Variants in ECE1 observed in about 807,000 individuals in gnomAD.
ECE1 encodes endothelin converting enzyme 1, also known as endothelin-converting enzyme 1.
In ECE1, 35 loss-of-function variants were observed where a neutral mutation model predicts 98.6. The ratio of observed to expected loss-of-function variants is 0.35; its 90% CI spans 0.27 to 0.47. The LOEUF (loss-of-function observed/expected upper bound fraction) is 0.47. Among genes scored for constraint, ECE1 ranks in the 20% least tolerant of loss-of-function variants. The pLI is 1.00. For synonymous variants in ECE1, 394 were observed against 407.1 expected (o/e 0.97, Z 0.39); for missense variants, 814 against 1,025.3 (o/e 0.79, Z 2.81).
At position 21,245,152 on chromosome 1, in the gene ECE1, G is replaced by A. The variant is rs560224221; in HGVS notation, c.1164-49C>T. 4.4e-5 allele frequency: 68 copies of A among 1,541,308 alleles called. No homozygotes were observed. In the East Asian group the frequency reaches 8.4e-4, roughly 19 times the overall value. ...GGCTCAGGGACACCTAGGCAGGGAG[G>A]ATTGCGGCCCTTCCCCTGCTGGCCC... On this transcript the variant is annotated intron_variant, in intron 9 of 18. Transcript: ENST00000374893.
At chr1:21,248,911 C>A (rs1382055427) in intron 8 of ECE1, among the ~76,000 whole-genome samples, 1 of 152,028 alleles carries the variant, frequency 6.6e-6, no homozygotes, top group Non-Finnish European at 1.5e-5. Flanking sequence ...GCACTTTGAG[C>A]CACCCCACCT....
intron 1 of ECE1, among the ~76,000 whole-genome samples, chr1:21,329,476 C>T (rs1639149662): frequency 6.6e-6 from 1 of 152,176 alleles, no homozygotes; most frequent in Non-Finnish European, 1.5e-5. Flanking sequence ...AAATTCCAGT[C>T]CCTCTACTTA....
At chr1:21,320,247 C>A (rs1437016819) in intron 1 of ECE1, among the ~76,000 whole-genome samples, 1 of 152,144 alleles carries the variant, frequency 6.6e-6, no homozygotes, top group Non-Finnish European at 1.5e-5. Flanking sequence ...CAGGCTCCAG[C>A]CGTCAACAGC....
intron 10 of ECE1, among the ~76,000 whole-genome samples, chr1:21,241,007 G>C (rs1374345508): frequency 6.6e-6 from 1 of 152,198 alleles, no homozygotes; most frequent in Non-Finnish European, 1.5e-5. Context: ...CTGTACTCCT[G>C]GGTCTCAACT....
At chr1:21,342,786 C>T (rs1639426708) in intron 1 of ECE1, among the ~76,000 whole-genome samples, 4 of 152,148 alleles carry the variant, frequency 2.6e-5, no homozygotes. Context: ...CCCGAATCAC[C>T]CCTGCCTCAG....
rs2098219412 is a variant in ECE1 at position 21,255,993 on chromosome 1, C to A, written c.974G>T (p.Arg325Leu). 5 of 1,614,120 alleles carry A rather than the reference C, an allele frequency of 3.1e-6. No individual in the cohort carries two copies. Among genetic ancestry groups the A allele is most frequent in the Non-Finnish European group, 3.4e-6 (4 of 1,179,950 alleles). The change falls in exon 8 of 19, where the codon CGT becomes CTT. Residue 325 changes from arginine to leucine, a missense_variant. By Grantham distance (102) the Arg-to-Leu change is moderately radical. Coordinates refer to ENST00000374893, the MANE Select transcript of ECE1 (RefSeq NM_001397.3). ...TTTGTGGTAGATGAGCTCCTCATCA[C>A]GGCGCTTCTCCTGTGGGATGGTGAT... ...ANITIPQEKR[R>L]DEELIYHKVT...
At position 21,278,830 on chromosome 1, in the gene ECE1, C is replaced by T. The variant is rs192701485; in HGVS notation, c.280+361G>A. On this transcript the variant is annotated intron_variant, in intron 3 of 18. Transcript: ENST00000374893. ...CAGAGCTAAAGTTGAAGAAGTCCTA[C>T]GAGGCACCAGCTATGGGACATATGT... Among the ~76,000 whole-genome samples, 10 of 152,340 alleles carry T rather than the reference C, an allele frequency of 6.6e-5. No homozygotes were observed. In the East Asian group the frequency reaches 1.3e-3, roughly 21 times the overall value.
chr1:21,219,826 G>GA lies in ECE1; in HGVS notation c.*128dup, dbSNP rs1199651902. 3.1e-6 allele frequency: 4 copies of GA among 1,286,506 alleles called. No homozygotes were observed. The highest frequency in any genetic ancestry group is 2.9e-5 in the African/African-American group (2 of 68,032). The allele number at this position is 1,286,506 out of a possible 1,614,324, so 79.7% of individuals were successfully genotyped here. On this transcript the variant is annotated 3_prime_UTR_variant, in exon 19 of 19. Coordinates refer to ENST00000374893, the MANE Select transcript of ECE1 (RefSeq NM_001397.3). This position sits in a 1 kb window ranked among gnomAD's most constrained non-coding sequence, Gnocchi z 4.5. The stretch of plus-strand genomic sequence containing the variant: ...CAACACCATGGGCTCGGTTCCGGCT[G>GA]AAAACCCGCCAGTGTGAGGAAGCAG...
intron 1 of ECE1, among the ~76,000 whole-genome samples, chr1:21,321,407 G>T (rs1638960903): frequency 6.6e-6 from 1 of 152,144 alleles, no homozygotes; most frequent in African/African-American, 2.4e-5. Flanking sequence ...GCAGCCCTGG[G>T]GCCCCCAGCA....
At chr1:21,341,384 G>A (rs1639395552) in intron 1 of ECE1, among the ~76,000 whole-genome samples, 1 of 152,198 alleles carries the variant, frequency 6.6e-6, no homozygotes, top group African/African-American at 2.4e-5. Context: ...GTCAATTGGA[G>A]AGAAAAAAAT....
At chr1:21,262,090 C>A (rs576524140) in intron 4 of ECE1, among the ~76,000 whole-genome samples, 1 of 152,124 alleles carries the variant, frequency 6.6e-6, no homozygotes, top group Non-Finnish European at 1.5e-5. Flanking sequence ...ATCAGAGCAT[C>A]GAGCCCCGGT....
Position 21,260,369 on chromosome 1 carries a change from C to T in ECE1, c.517G>A (p.Glu173Lys), listed in dbSNP as rs147475863. 1.4e-4 allele frequency: 231 copies of T among 1,614,260 alleles called. No homozygotes were observed. The African/African-American group carries it at 2.8e-3, about 19-fold the overall frequency. The change falls in exon 5 of 19, where the codon GAG (glutamate) becomes AAG (lysine). Residue 173 changes from glutamate to lysine, a missense_variant. Coordinates refer to ENST00000374893, the MANE Select transcript of ECE1 (RefSeq NM_001397.3). The surrounding 1 kb of genome is among the most constrained non-coding windows in gnomAD (Gnocchi z 4.3). ...LLENSTASVSEAERKAQVYYR... is the reference protein window; with the variant it reads ...LLENSTASVSKAERKAQVYYR... ...TATACTTGCGCCTTTCTCTCTGCCT[C>T]GCTCACGCTGGCCGTGGAGTTTTCT... is the stretch of plus-strand genomic sequence containing the variant.
chr1:21,233,855 G>T lies in ECE1; in HGVS notation c.1567-194C>A, dbSNP rs972026926. Among the ~76,000 whole-genome samples the T allele has an allele frequency of 6.6e-6, 1 of 152,156 alleles. No homozygotes were observed. Among genetic ancestry groups the T allele is most frequent in the Non-Finnish European group, 1.5e-5 (1 of 68,020 alleles). ...CACGAGATGGAATGACACCGTTGCA[G>T]GATGTGCCTACAGCAGTGCCTGGGC... is the stretch of plus-strand genomic sequence containing the variant. On this transcript the variant is annotated intron_variant, in intron 13 of 18. Coordinates refer to ENST00000374893, the MANE Select transcript of ECE1 (RefSeq NM_001397.3). The surrounding 1 kb of genome is among the most constrained non-coding windows in gnomAD (Gnocchi z 4.0).
chr1:21,260,906 C>G lies in ECE1; in HGVS notation c.494-514G>C, dbSNP rs2098225963. Among the ~76,000 whole-genome samples the G allele has an allele frequency of 2.0e-5, 3 of 152,218 alleles. No homozygotes were observed. Among genetic ancestry groups the G allele is most frequent in the African/African-American group, 4.8e-5 (2 of 41,450 alleles). ...CTAGGCACGTTCACCAGGCTTACAGCCAACTCCTGGGGCCGTTTTCCACCG... is the reference window on the plus strand; with the variant it reads ...CTAGGCACGTTCACCAGGCTTACAGGCAACTCCTGGGGCCGTTTTCCACCG... On this transcript the variant is annotated intron_variant, in intron 4 of 18. Transcript: ENST00000374893. The surrounding 1 kb of genome is among the most constrained non-coding windows in gnomAD (Gnocchi z 4.3).
chr1:21,290,038 C>A lies in ECE1; in HGVS notation c.138+32G>T. Reference sequence around the variant, plus strand: ...GCGCGCATGCCCGGGCCCGGGGCGCCTGGACCTCGGGAGGGAGCGGAGGGC... The same window carrying A: ...GCGCGCATGCCCGGGCCCGGGGCGCATGGACCTCGGGAGGGAGCGGAGGGC... On this transcript the variant is annotated intron_variant, in intron 2 of 18. Coordinates refer to ENST00000374893, the MANE Select transcript of ECE1 (RefSeq NM_001397.3). The surrounding 1 kb of genome is among the most constrained non-coding windows in gnomAD (Gnocchi z 7.3). 1 of 1,371,986 alleles carries A rather than the reference C, an allele frequency of 7.3e-7. No individual in the cohort carries two copies. Among genetic ancestry groups the A allele is most frequent in the East Asian group, 2.9e-5 (1 of 34,438 alleles). 85.0% of individuals were successfully genotyped at this position (1,371,986 alleles called of 1,614,324 possible).
At chr1:21,241,021 A>G (rs2098195458) in intron 10 of ECE1, among the ~76,000 whole-genome samples, 1 of 152,244 alleles carries the variant, frequency 6.6e-6, no homozygotes, top group Non-Finnish European at 1.5e-5. Context: ...CTCAACTGAA[A>G]TGCCCAGAAC....
chr1:21,228,532 T>A (rs2098177403), intron 14 of ECE1, among the ~76,000 whole-genome samples: 1 of 152,060 alleles, frequency 6.6e-6, no homozygotes, highest in East Asian at 2.0e-4. Flanking sequence ...ATGCTTGTAA[T>A]CCCAGGACTT....
At chr1:21,314,619 C>T (rs1638795372) in intron 1 of ECE1, among the ~76,000 whole-genome samples, 1 of 152,190 alleles carries the variant, frequency 6.6e-6, no homozygotes, top group Admixed American at 6.5e-5. Flanking sequence ...TCAGACAGCC[C>T]CTCTCCATCT....
intron 17 of ECE1, among the ~76,000 whole-genome samples, chr1:21,223,165 C>G (rs941155822): frequency 6.6e-6 from 1 of 152,022 alleles, no homozygotes; most frequent in Non-Finnish European, 1.5e-5. Context: ...TTGGTAGAGA[C>G]GGGGTTTCAC....
Sources: allele counts gnomAD v4.1 joint callset (sites outside exome capture counted in the v4.1 genomes callset), GRCh38; gene constraint gnomAD v4.1.1; non-coding constraint Gnocchi (gnomAD v3.1); transcripts MANE v1.5; gene names NCBI Gene and HGNC (gene_info 2026-07-23, HGNC 2026-07-21).